Variants in PDE6A observed in about 807,000 individuals in gnomAD.
PDE6A encodes the protein rod cGMP-specific 3',5'-cyclic phosphodiesterase subunit alpha.
PDE6A carries 84 observed loss-of-function variants against 106.3 expected under a neutral mutation model. That is an observed-to-expected ratio of 0.79 (90% CI 0.66 to 0.95). The LOEUF is 0.95. Ranked by LOEUF, PDE6A falls within the 40% of genes least tolerant of loss-of-function variation. PDE6A has a pLI of 0.00. For synonymous variants in PDE6A, 394 were observed against 386.6 expected, an observed-to-expected ratio of 1.02 and a Z score of -0.23; for missense variants, 1,052 against 1,084.9, an observed-to-expected ratio of 0.97 and a Z score of 0.43.
In PDE6A at chr5:149,884,509, A is replaced by G. The variant is rs1472501176; in HGVS notation, c.1997T>C (p.Ile666Thr). 6.2e-7 allele frequency: 1 copy of G among 1,613,654 alleles called. No homozygotes were observed. The change falls in exon 16 of 22, where the codon ATC (isoleucine) becomes ACC (threonine). Residue 666 changes from isoleucine to threonine, a missense_variant. By Grantham distance (89) the Ile-to-Thr change is moderately conservative (BLOSUM62 -1). Transcript: ENST00000255266. ...EHAIHMMDIA[I>T]IATDLALYFK... is the part of the protein sequence containing the mutation. The stretch of plus-strand genomic sequence containing the variant: ...ATACAGGGCGAGGTCTGTGGCAATG[A>G]TTGCAATGTCCATCATGTGGATGGC...
At chr5:149,912,875 GCAA>G (rs952755442) in intron 6 of PDE6A, among the ~76,000 whole-genome samples, 14 of 152,080 alleles carry the variant, frequency 9.2e-5, no homozygotes, top group Non-Finnish European at 1.6e-4. Flanking sequence ...TGGGTGGTAG[GCAA>G]CAAGATGAAT....
chr5:149,937,178 C>T (rs1754206877), intron 1 of PDE6A, among the ~76,000 whole-genome samples: 2 of 152,112 alleles, frequency 1.3e-5, no homozygotes, highest in South Asian at 4.1e-4. Context: ...ATATGAAGCA[C>T]ATTCTAAGCA....
intron 1 of PDE6A, among the ~76,000 whole-genome samples, chr5:149,938,053 G>T (rs1754233206): frequency 6.6e-6 from 1 of 152,184 alleles, no homozygotes; most frequent in African/African-American, 2.4e-5. Context: ...AGATGAGGTT[G>T]TTCTCAGTGG....
chr5:149,907,184 CA>C, intron 7 of PDE6A, 127 bp downstream of exon 7: 1 of 796,868 alleles, frequency 1.3e-6, no homozygotes. Context: ...TTGAGAGAAA[CA>C]AGAGAATTAG....
rs200483225 is a variant in PDE6A, at chr5:149,868,171, G to C, written c.2136-13C>G. 2.5e-6 allele frequency: 4 copies of C among 1,613,508 alleles called. No individual in the cohort carries two copies. Among genetic ancestry groups the C allele is most frequent in the Non-Finnish European group, 3.4e-6 (4 of 1,179,580 alleles). ...CATCATCATGGCCCTGGGCACACAG[G>C]ACACCCTCTATCAGTCCAGGGCCAT... On this transcript the variant is annotated splice_polypyrimidine_tract_variant and intron_variant, in intron 17 of 21. Coordinates refer to ENST00000255266, the MANE Select transcript of PDE6A (RefSeq NM_000440.3).
chr5:149,904,882 G>A (rs138930852), intron 7 of PDE6A, among the ~76,000 whole-genome samples: 31 of 152,096 alleles, frequency 2.0e-4, no homozygotes, highest in Non-Finnish European at 3.8e-4. Flanking sequence ...ATCCATCATG[G>A]TCCCTATAGC....
At chr5:149,903,847 T>C in intron 7 of PDE6A, 152 bp from the exon 8 acceptor site, 1 of 769,362 alleles carries the variant, frequency 1.3e-6, no homozygotes, top group Non-Finnish European at 2.4e-6. Flanking sequence ...AGTTTTCAAT[T>C]ATTCACTGAG....
At chr5:149,896,855 C>T in intron 10 of PDE6A, 79 bp from the exon 11 acceptor site, 6 of 1,464,606 alleles carry the variant, frequency 4.1e-6, no homozygotes, top group Non-Finnish European at 5.7e-6. Context: ...TTATCTCCTT[C>T]CTCCAAAGTC....
intron 7 of PDE6A, among the ~76,000 whole-genome samples, chr5:149,905,221 C>T (rs530717286): frequency 5.6e-4 from 85 of 152,246 alleles, no homozygotes; most frequent in Non-Finnish European, 1.0e-3. Flanking sequence ...ATCCACCCTC[C>T]TCTTTCTCCA....
chr5:149,878,941 C>T (rs1190530072), intron 17 of PDE6A, among the ~76,000 whole-genome samples: 1 of 152,130 alleles, frequency 6.6e-6, no homozygotes, highest in African/African-American at 2.4e-5. Context: ...CCTATTTAGA[C>T]TATGTGTTTT....
chr5:149,912,872 T>C (rs55906403), intron 6 of PDE6A, among the ~76,000 whole-genome samples: 17,832 of 151,946 alleles, frequency 0.12, 1,447 homozygotes, highest in Admixed American at 0.25. Flanking sequence ...GACTGGGTGG[T>C]AGGCAACAAG....
rs778478114 is a variant in PDE6A, at chr5:149,896,771, G to T, written c.1413C>A (p.Thr471=). The part of the protein sequence containing the change: ...DNEEIQKILK[T]REVYGKEPWE... ...ATGGCTCCTTCCCATACACCTCTCT[G>T]GTTTTCTGCCAGGACCCAAAATGGC... The change falls in exon 11 of 22, where the codon ACC becomes ACA. Residue 471 remains threonine, a synonymous_variant. Coordinates refer to ENST00000255266, the MANE Select transcript of PDE6A (RefSeq NM_000440.3). 16 of 1,614,048 alleles carry T rather than the reference G, an allele frequency of 9.9e-6. No homozygotes were observed. The highest frequency in any genetic ancestry group is 1.4e-5 in the Non-Finnish European group (16 of 1,180,034).
chr5:149,927,902 A>G (rs2113651283), intron 4 of PDE6A, among the ~76,000 whole-genome samples: 1 of 151,594 alleles, frequency 6.6e-6, no homozygotes. Context: ...CTAGACCTAC[A>G]CAGGGTCAGG....
chr5:149,926,997 A>AAAG (rs1554091803), intron 4 of PDE6A, among the ~76,000 whole-genome samples: 1 of 150,896 alleles, frequency 6.6e-6, no homozygotes, highest in Non-Finnish European at 1.5e-5. Flanking sequence ...AAAAAAAAAA[A>AAAG]AGAGAGAGAG....
rs1418871287 is a variant in PDE6A at position 149,859,486 on chromosome 5, T to C, written c.*1409A>G. 1.3e-5 allele frequency: 2 copies of C among 152,110 alleles called. No individual in the cohort carries two copies. The highest frequency in any genetic ancestry group is 2.9e-5 in the Non-Finnish European group (2 of 68,076). 9.4% of individuals were successfully genotyped at this position (152,110 alleles called of 1,614,324 possible). Reference sequence around the variant, plus strand: ...CCGATGCTTGGGGAAGGGAAGGAAATAGGAGTGGGCAGAGGGAGAAGTCGA... The same window carrying C: ...CCGATGCTTGGGGAAGGGAAGGAAACAGGAGTGGGCAGAGGGAGAAGTCGA... On this transcript the variant is annotated 3_prime_UTR_variant, in exon 22 of 22. Transcript: ENST00000255266.
At chr5:149,915,670 G>T (rs1337363562) in intron 5 of PDE6A, among the ~76,000 whole-genome samples, 1 of 152,184 alleles carries the variant, frequency 6.6e-6, no homozygotes, top group Non-Finnish European at 1.5e-5. Context: ...GGTTGATTGT[G>T]TGCAAGTTGA....
chr5:149,895,159 C>A, intron 13 of PDE6A, 24 bp downstream of exon 13: 1 of 1,478,846 alleles, frequency 6.8e-7, no homozygotes, highest in Non-Finnish European at 9.5e-7. Flanking sequence ...GCCCACCCTA[C>A]CAGCCCCACC....
chr5:149,861,015 T>G (rs1311252977), intron 21 of PDE6A, 44 bp from the exon 22 acceptor site: 2 of 1,557,954 alleles, frequency 1.3e-6, no homozygotes, highest in South Asian at 1.1e-5. Context: ...GACAAGAGGC[T>G]GCAGTGGGCT....
intron 7 of PDE6A, among the ~76,000 whole-genome samples, chr5:149,905,145 A>T (rs932843367): frequency 6.6e-6 from 1 of 151,782 alleles, no homozygotes; most frequent in African/African-American, 2.4e-5. Context: ...TCCACTTTCC[A>T]CTTCCAGAGA....
Sources: gnomAD v4.1 joint callset for allele counts (sites outside exome capture counted in the v4.1 genomes callset) on GRCh38, gnomAD v4.1.1 for gene constraint, MANE v1.5 for transcripts, NCBI Gene and HGNC (gene_info 2026-07-23, HGNC 2026-07-21) for gene names.